Variants in MIER1 observed in about 807,000 individuals in gnomAD.
MIER1 encodes mesoderm induction early response protein 1.
A neutral mutation model predicts 75.7 loss-of-function variants in MIER1; 40 were observed. The observed-to-expected ratio is 0.53, with a 90% CI of 0.41 to 0.69. The LOEUF is 0.69. Among genes scored for constraint, MIER1 ranks in the 30% least tolerant of loss-of-function variants. The pLI is 0.00. For synonymous variants in MIER1, 213 were observed against 223.4 expected (o/e 0.95, Z 0.42); for missense variants, 574 against 680.2 (o/e 0.84, Z 1.74).
At chr1:66,947,104 C>T in intron 4 of MIER1, 2 of 577,796 alleles carry the variant, frequency 3.5e-6, no homozygotes, top group Non-Finnish European at 4.4e-6. Context: ...TTGGACCTCT[C>T]CCCCGGCATA....
intron 4 of MIER1, chr1:66,948,252 G>A: frequency 1.1e-6 from 1 of 927,572 alleles, no homozygotes; most frequent in South Asian, 5.0e-5. Context: ...ATGATTTCCT[G>A]TACTCCATGA....
intron 4 of MIER1, among the ~76,000 whole-genome samples, chr1:66,949,768 T>A (rs1658488529): frequency 6.6e-6 from 1 of 152,230 alleles, no homozygotes. Flanking sequence ...AGCAAAACAT[T>A]AGTTATGTCA....
At chr1:66,976,965 TATG>T (rs1217809157) in intron 12 of MIER1, among the ~76,000 whole-genome samples, 2 of 152,238 alleles carry the variant, frequency 1.3e-5, no homozygotes, top group African/African-American at 4.8e-5. Flanking sequence ...CAGTTCATAT[TATG>T]TATGAGACAA....
chr1:66,925,077 G>A lies in MIER1; in HGVS notation c.49G>A (p.Gly17Ser), dbSNP rs1280259042. 3.2e-6 allele frequency: 5 copies of A among 1,546,948 alleles called. No individual in the cohort carries two copies. The highest frequency in any genetic ancestry group is 4.4e-6 in the Non-Finnish European group (5 of 1,145,818). ...GGGGSSEGGG[G>S]SSGSGYGVVA... is the part of the protein sequence containing the mutation. ...TGGCGGCAGCAGCGAAGGTGGCGGC[G>A]GCAGCAGCGGCAGCGGCTGTAAGTG... The change falls in exon 1 of 14, where the codon GGC (glycine) becomes AGC (serine). Residue 17 changes from glycine (G) to serine (S), a missense_variant. Transcript: ENST00000401041.
intron 2 of MIER1, chr1:66,930,312 G>T (rs1652831976): frequency 6.3e-7 from 1 of 1,585,120 alleles, no homozygotes; most frequent in Non-Finnish European, 8.6e-7. Flanking sequence ...CCGGAGTCCC[G>T]TTGCTGAGTC....
intron 2 of MIER1, chr1:66,928,828 T>C: frequency 9.3e-7 from 1 of 1,075,438 alleles, no homozygotes; most frequent in Non-Finnish European, 1.4e-6. Flanking sequence ...TAAAAATTGT[T>C]TGTAGATTTG....
At position 66,964,448 on chromosome 1, in the gene MIER1, C is replaced by CTT. The variant is rs71058483; in HGVS notation, c.772+1308_772+1309dup. Among the ~76,000 whole-genome samples the CTT allele has an allele frequency of 2.7e-3, 322 of 119,740 alleles. 2 individuals are homozygous for CTT. The highest frequency in any genetic ancestry group is 9.7e-3 in the African/African-American group (303 of 31,146). The allele number at this position is 119,740 out of a possible 152,430, so 78.6% of individuals were successfully genotyped here. A position where few individuals can be genotyped will look rare whatever the true frequency, so the allele number is the denominator to read the frequency against. On this transcript the variant is annotated intron_variant, in intron 8 of 13. Coordinates refer to ENST00000401041, the MANE Select transcript of MIER1 (RefSeq NM_001077700.3). ...CCAGAAAAAATGCTGTGTATGTTTC[C>CTT]TTTTTTTTTTTTTTTTTTTTTGAGA...
intron 2 of MIER1, among the ~76,000 whole-genome samples, chr1:66,938,913 A>T (rs755953247): frequency 6.6e-6 from 1 of 152,198 alleles, no homozygotes; most frequent in Non-Finnish European, 1.5e-5. Context: ...CTACAATTAC[A>T]TAATATGTAC....
intron 12 of MIER1, among the ~76,000 whole-genome samples, chr1:66,979,440 G>A (rs1665460075): frequency 6.6e-6 from 1 of 152,102 alleles, no homozygotes; most frequent in Admixed American, 6.5e-5. Context: ...CCTACAAACA[G>A]CCTTTGAAAG....
chr1:66,970,202 A>G (rs1452054705), intron 8 of MIER1, among the ~76,000 whole-genome samples: 1 of 152,234 alleles, frequency 6.6e-6, no homozygotes, highest in Non-Finnish European at 1.5e-5. Context: ...TGAAACTTAA[A>G]TACCTTTAAA....
chr1:66,976,710 A>T lies in MIER1; in HGVS notation c.1217A>T (p.His406Leu). ...TRFGKKKYNL[H>L]PGVTDYMDRL... ...TTTGGAAAGAAGAAATATAATCTTC[A>T]TCCTGGTGTAACGTGAGTTAATTTT... is the stretch of plus-strand genomic sequence containing the variant. The change falls in exon 12 of 14, where the codon CAT becomes CTT. Residue 406 changes from histidine (H) to leucine (L), a missense_variant. By Grantham distance (99) the His-to-Leu change is moderately conservative. Coordinates refer to ENST00000401041, the MANE Select transcript of MIER1 (RefSeq NM_001077700.3). 6.2e-7 allele frequency: 1 copy of T among 1,601,066 alleles called. No homozygotes were observed. The highest frequency in any genetic ancestry group is 2.2e-5 in the East Asian group (1 of 44,484).
chr1:66,984,368 T>G (rs574564299), intron 13 of MIER1, among the ~76,000 whole-genome samples: 1 of 152,334 alleles, frequency 6.6e-6, no homozygotes, highest in Admixed American at 6.5e-5. Flanking sequence ...ATGATCTTCA[T>G]TGTATATATG....
chr1:66,946,196 C>T lies in MIER1; in HGVS notation c.240C>T (p.Asp80=), dbSNP rs765084093. ...ACCATGAATTTGATCCATCAGCTGA[C>T]ATGCTGGTTCATGATTTTGATGATG... The part of the protein sequence containing the change: ...SDDHEFDPSA[D]MLVHDFDDER... Residue 80 remains aspartate (D), a synonymous_variant, in exon 4 of 14, where the codon GAC becomes GAT. Transcript: ENST00000401041. The T allele has an allele frequency of 1.9e-6, 3 of 1,611,840 alleles. No individual in the cohort carries two copies. Among genetic ancestry groups the T allele is most frequent in the Non-Finnish European group, 1.7e-6 (2 of 1,179,352 alleles).
intron 10 of MIER1, among the ~76,000 whole-genome samples, chr1:66,972,476 C>T (rs936708598): frequency 6.6e-6 from 1 of 151,718 alleles, no homozygotes; most frequent in Admixed American, 6.6e-5. Context: ...GAGGGTAGTG[C>T]TTTTAGGGAA....
intron 4 of MIER1, among the ~76,000 whole-genome samples, chr1:66,953,107 G>T (rs755844628): frequency 6.6e-6 from 1 of 152,136 alleles, no homozygotes; most frequent in Non-Finnish European, 1.5e-5. Context: ...CCAAATCTAC[G>T]GCCAGGGAAT....
intron 2 of MIER1, among the ~76,000 whole-genome samples, chr1:66,936,909 G>A (rs1156605389): frequency 6.7e-6 from 1 of 148,794 alleles, no homozygotes; most frequent in Non-Finnish European, 1.5e-5. Flanking sequence ...TGAGGCAGGG[G>A]AATTGCTTGA....
chr1:66,925,173 C>T, intron 1 of MIER1, 78 bp downstream of exon 1: 1 of 1,486,658 alleles, frequency 6.7e-7, no homozygotes, highest in East Asian at 2.6e-5. Flanking sequence ...GTCCTCAGTC[C>T]CCTTTCTCTC....
chr1:66,974,278 A>G (rs537571049), intron 11 of MIER1, among the ~76,000 whole-genome samples: 2 of 152,150 alleles, frequency 1.3e-5, no homozygotes, highest in African/African-American at 4.8e-5. Context: ...TATACCCCTA[A>G]TGTTGTGTTC....
At chr1:66,984,338 C>A (rs984355607) in intron 13 of MIER1, among the ~76,000 whole-genome samples, 1 of 152,104 alleles carries the variant, frequency 6.6e-6, no homozygotes, top group Admixed American at 6.5e-5. Flanking sequence ...TTCACAACAA[C>A]CCTGTGAGGA....
Sources: allele counts gnomAD v4.1 joint callset (sites outside exome capture counted in the v4.1 genomes callset), GRCh38; gene constraint gnomAD v4.1.1; transcripts MANE v1.5; gene names NCBI Gene and HGNC (gene_info 2026-07-23, HGNC 2026-07-21).